Variants in ZZEF1 observed in about 807,000 individuals in gnomAD.
The protein encoded by ZZEF1 is zinc finger ZZ-type and EF-hand domain-containing protein 1.
In ZZEF1, 157 loss-of-function variants were observed where a neutral mutation model predicts 342.8. That is an observed-to-expected ratio of 0.46 (90% confidence interval 0.40 to 0.52). The LOEUF (loss-of-function observed/expected upper bound fraction) is 0.52, where lower values mean the gene tolerates loss of function less well. Ranked by LOEUF, ZZEF1 falls within the 20% of genes least tolerant of loss-of-function variation. ZZEF1 has a pLI of 0.00. For missense variants in ZZEF1, 3,480 were observed against 3,725.6 expected, an observed-to-expected ratio of 0.93 and a Z score of 1.72; for synonymous variants, 1,505 against 1,429.1, an observed-to-expected ratio of 1.05 and a Z score of -1.20.
intron 10 of ZZEF1, 121 bp downstream of exon 10, chr17:4,096,488 A>C: frequency 1.3e-6 from 1 of 781,378 alleles, no homozygotes; most frequent in Non-Finnish European, 2.1e-6. Context: ...TGATTATTTC[A>C]CATTGCATGC....
chr17:4,097,838 G>A (rs1201136738), intron 9 of ZZEF1, among the ~76,000 whole-genome samples: 1 of 148,494 alleles, frequency 6.7e-6, no homozygotes, highest in Non-Finnish European at 1.5e-5. Flanking sequence ...GCTCATGCCT[G>A]TAATCCCAGC....
chr17:4,114,399 T>C lies in ZZEF1; in HGVS notation c.766A>G (p.Ile256Val), dbSNP rs140845950. 4.5e-5 allele frequency: 72 copies of C among 1,611,966 alleles called. 1 individual carries two copies. Among genetic ancestry groups the C allele is most frequent in the African/African-American group, 6.7e-5 (5 of 74,872 alleles). The change falls in exon 4 of 55, where the codon ATA (isoleucine) becomes GTA (valine). Residue 256 changes from isoleucine to valine, a missense_variant. Coordinates refer to ENST00000381638, the MANE Select transcript of ZZEF1 (RefSeq NM_015113.4). ...LKSVAKCYAYIETSSNSADID... is the reference protein window; with the variant it reads ...LKSVAKCYAYVETSSNSADID... ...TCTGCCGAGTTGGAGGATGTTTCTA[T>C]ATAAGCATAGCACTTTGCTACTGAC...
At chr17:4,043,411 G>A (rs1322377827) in intron 38 of ZZEF1, among the ~76,000 whole-genome samples, 2 of 152,206 alleles carry the variant, frequency 1.3e-5, no homozygotes, top group Non-Finnish European at 2.9e-5. Flanking sequence ...TATACACACT[G>A]CATAGATAAG....
rs184792249 is a variant in ZZEF1, at chr17:4,037,517, A to G, written c.6307-3225T>C. Among the ~76,000 whole-genome samples the G allele has an allele frequency of 1.5e-3, 229 of 152,346 alleles. 2 individuals are homozygous for G. Among genetic ancestry groups the G allele is most frequent in the African/African-American group, 4.7e-3 (195 of 41,578 alleles). Reference sequence around the variant, plus strand: ...CATGATCACGAAAGTAAAGACTGATAACTGTTAAAGACTAGAGGTGATTAA... The same window carrying G: ...CATGATCACGAAAGTAAAGACTGATGACTGTTAAAGACTAGAGGTGATTAA... On this transcript the variant is annotated intron_variant, in intron 39 of 54. Coordinates refer to ENST00000381638, the MANE Select transcript of ZZEF1 (RefSeq NM_015113.4).
At chr17:4,097,251 C>CAAA (rs11322795) in intron 9 of ZZEF1, among the ~76,000 whole-genome samples, 1 of 137,262 alleles carries the variant, frequency 7.3e-6, no homozygotes. Flanking sequence ...AACTCCGTCT[C>CAAA]AAAAAAAAAA....
chr17:4,075,525 T>C, intron 21 of ZZEF1, 96 bp from the exon 22 acceptor site: 3 of 1,410,872 alleles, frequency 2.1e-6, no homozygotes, highest in Non-Finnish European at 2.9e-6. Context: ...TCCAGGCAGA[T>C]GGCCTTGACA....
rs2144910204 is a variant in ZZEF1 at position 4,008,347 on chromosome 17, C to A, written c.8805+536G>T. ...TCACAAGACGTGTTATTCATGTTAACATGAAATGGGTTCACTACTTTAAAA... is the reference window on the plus strand; with the variant it reads ...TCACAAGACGTGTTATTCATGTTAAAATGAAATGGGTTCACTACTTTAAAA... On this transcript the variant is annotated intron_variant, in intron 54 of 54. Coordinates refer to ENST00000381638, the MANE Select transcript of ZZEF1 (RefSeq NM_015113.4). The surrounding 1 kb of genome is among the most constrained non-coding windows in gnomAD (Gnocchi z 4.2). 9 of 151,770 alleles carry A rather than the reference C, an allele frequency of 5.9e-5. No homozygotes were observed. Among genetic ancestry groups the A allele is most frequent in the South Asian group, 2.5e-4 (1 of 4,062 alleles). 9.4% of individuals were successfully genotyped at this position (151,770 alleles called of 1,614,324 possible). A position where few individuals can be genotyped will look rare whatever the true frequency, so the allele number is the denominator to read the frequency against.
intron 31 of ZZEF1, 21 bp from the exon 32 acceptor site, chr17:4,058,176 C>A (rs1196764487): frequency 6.2e-7 from 1 of 1,601,102 alleles, no homozygotes; most frequent in Admixed American, 1.7e-5. Flanking sequence ...ATGAAAGTGA[C>A]CATTAGCAGA....
chr17:4,081,628 A>G, intron 17 of ZZEF1, 138 bp from the exon 18 acceptor site: 1 of 694,428 alleles, frequency 1.4e-6, no homozygotes, highest in Non-Finnish European at 2.4e-6. Flanking sequence ...TCAGGAATAC[A>G]GGCTGTGGAC....
chr17:4,067,031 C>A (rs2057414107), intron 27 of ZZEF1, 132 bp downstream of exon 27: 2 of 694,150 alleles, frequency 2.9e-6, no homozygotes, highest in African/African-American at 1.8e-5. Context: ...TATATCTATT[C>A]ATGTCACTAA....
rs2056053050 is a variant in ZZEF1 at position 4,014,610 on chromosome 17, G to A, written c.8146-95C>T. 2 of 1,333,474 alleles carry A rather than the reference G, an allele frequency of 1.5e-6. No homozygotes were observed. Among genetic ancestry groups the A allele is most frequent in the South Asian group, 1.3e-5 (1 of 77,698 alleles). 82.6% of individuals were successfully genotyped at this position (1,333,474 alleles called of 1,614,324 possible). ...CCGAGTCCTGTGGCTGGACCCGGGT[G>A]TGTGAGAATGAGTGAACCACAGCCC... On this transcript the variant is annotated intron_variant, in intron 49 of 54. Transcript: ENST00000381638. The surrounding 1 kb of genome is among the most constrained non-coding windows in gnomAD (Gnocchi z 4.4).
intron 45 of ZZEF1, among the ~76,000 whole-genome samples, chr17:4,020,815 G>A (rs949428815): frequency 2.0e-5 from 3 of 152,220 alleles, no homozygotes; most frequent in Non-Finnish European, 4.4e-5. Context: ...TAGAGTTCAT[G>A]GACGAGCCTT....
rs1176792575 is a variant in ZZEF1 at position 4,017,081 on chromosome 17, G to A, written c.8001+290C>T. 5.2e-6 allele frequency: 2 copies of A among 386,080 alleles called. No homozygotes were observed. Among genetic ancestry groups the A allele is most frequent in the Non-Finnish European group, 9.6e-6 (2 of 208,294 alleles). 23.9% of individuals were successfully genotyped at this position (386,080 alleles called of 1,614,324 possible). On this transcript the variant is annotated intron_variant, in intron 48 of 54. Coordinates refer to ENST00000381638, the MANE Select transcript of ZZEF1 (RefSeq NM_015113.4). This position sits in a 1 kb window ranked among gnomAD's most constrained non-coding sequence, Gnocchi z 5.1. ...TGTGTGTGAAGGTGGGTGAGGGACA[G>A]GATCAAAAAGGAGCTACCGAATGTG...
intron 13 of ZZEF1, among the ~76,000 whole-genome samples, chr17:4,087,905 A>T (rs2057868602): frequency 6.6e-6 from 1 of 152,040 alleles, no homozygotes; most frequent in African/African-American, 2.4e-5. Flanking sequence ...ACTGTACTAC[A>T]ATATACTGAC....
chr17:4,055,535 C>T (rs1335366177), intron 33 of ZZEF1, among the ~76,000 whole-genome samples: 1 of 152,190 alleles, frequency 6.6e-6, no homozygotes. Context: ...CCCATGCTCA[C>T]CAGGCAGCCT....
intron 37 of ZZEF1, among the ~76,000 whole-genome samples, chr17:4,046,721 T>A (rs1450566268): frequency 6.6e-6 from 1 of 152,212 alleles, no homozygotes; most frequent in East Asian, 1.9e-4. Flanking sequence ...CTGTACCATA[T>A]GGCACTTGCG....
At chr17:4,140,970 G>A (rs1005660166) in intron 1 of ZZEF1, among the ~76,000 whole-genome samples, 7 of 150,334 alleles carry the variant, frequency 4.7e-5, no homozygotes, top group East Asian at 1.9e-4. Flanking sequence ...ATGCAGTGGC[G>A]TGATCTCAGC....
intron 26 of ZZEF1, 83 bp from the exon 27 acceptor site, chr17:4,067,325 G>T: frequency 1.8e-6 from 2 of 1,122,454 alleles, no homozygotes; most frequent in Non-Finnish European, 2.6e-6. Context: ...ATCTAAATCT[G>T]CTGAAGTACA....
chr17:4,035,612 A>G (rs1319471203), intron 39 of ZZEF1, among the ~76,000 whole-genome samples: 1 of 152,212 alleles, frequency 6.6e-6, no homozygotes, highest in Non-Finnish European at 1.5e-5. Flanking sequence ...GAGGGCAAAA[A>G]CGCAGAAGAG....
Sources: gnomAD v4.1 joint callset for allele counts (sites outside exome capture counted in the v4.1 genomes callset) on GRCh38, gnomAD v4.1.1 for gene constraint, Gnocchi (gnomAD v3.1) non-coding constraint, MANE v1.5 for transcripts, NCBI Gene and HGNC (gene_info 2026-07-23, HGNC 2026-07-21) for gene names.